The following ZNF423 variants were observed in gnomAD, a reference collection of about 807,000 sequenced individuals.
ZNF423 encodes zinc finger protein 423.
A neutral mutation model predicts 95.8 loss-of-function variants in ZNF423; 12 were observed. That is an observed-to-expected ratio of 0.13 (90% CI 0.08 to 0.20). The LOEUF is 0.20. Among genes scored for constraint, ZNF423 ranks in the 10% least tolerant of loss-of-function variants. The pLI is 1.00. For missense variants in ZNF423, 1,316 were observed against 1,737.1 expected (o/e 0.76, Z 4.31); for synonymous variants, 749 against 711.9 (o/e 1.05, Z -0.83).
intron 2 of ZNF423, among the ~76,000 whole-genome samples, chr16:49,767,240 G>A (rs544643175): frequency 1.8e-4 from 28 of 151,984 alleles, no homozygotes; most frequent in Admixed American, 6.5e-4. Flanking sequence ...ACAGGCCACC[G>A]TGCCTGGCCC....
At chr16:49,651,193 A>ATTT (rs59884047) in intron 3 of ZNF423, among the ~76,000 whole-genome samples, 21 of 142,002 alleles carry the variant, frequency 1.5e-4, no homozygotes, top group Non-Finnish European at 1.8e-4. Context: ...GCTAATTTTA[A>ATTT]TTTTTTTTTT....
At chr16:49,810,992 G>T (rs940589118) in intron 1 of ZNF423, among the ~76,000 whole-genome samples, 1 of 152,150 alleles carries the variant, frequency 6.6e-6, no homozygotes, top group South Asian at 2.1e-4. Flanking sequence ...ATCTTGGGAG[G>T]GGAAGTGAAG....
At chr16:49,494,262 A>G (rs1466871314) in intron 7 of ZNF423, among the ~76,000 whole-genome samples, 5 of 152,232 alleles carry the variant, frequency 3.3e-5, no homozygotes, top group Non-Finnish European at 7.3e-5. Context: ...CACTCAAGAA[A>G]GAACTTCCTC....
At chr16:49,743,893 CG>C (rs990533637) in intron 2 of ZNF423, among the ~76,000 whole-genome samples, 7 of 152,268 alleles carry the variant, frequency 4.6e-5, no homozygotes, top group Admixed American at 1.3e-4. Flanking sequence ...ACGGAAGTGG[CG>C]CCTGGAGAAA....
At chr16:49,494,760 G>A (rs1967093390) in intron 7 of ZNF423, among the ~76,000 whole-genome samples, 1 of 152,224 alleles carries the variant, frequency 6.6e-6, no homozygotes, top group Admixed American at 6.5e-5. Flanking sequence ...AGGACACAGA[G>A]CAGCTCTGGA....
intron 2 of ZNF423, among the ~76,000 whole-genome samples, chr16:49,770,713 G>A (rs1440062557): frequency 6.6e-6 from 1 of 152,228 alleles, no homozygotes; most frequent in East Asian, 1.9e-4. Flanking sequence ...GGGCCAAGAT[G>A]CAGACGAAGG....
chr16:49,814,288 G>C (rs191469621), intron 1 of ZNF423, among the ~76,000 whole-genome samples: 1 of 152,026 alleles, frequency 6.6e-6, no homozygotes, highest in African/African-American at 2.4e-5. Flanking sequence ...CTGGGGGGTG[G>C]GGGGATGACA....
In ZNF423 at chr16:49,855,083, C is replaced by T. The variant is rs1597066830; in HGVS notation, c.40+652G>A. The T allele has an allele frequency of 3.1e-6, 3 of 976,668 alleles. No individual in the cohort carries two copies. The highest frequency in any genetic ancestry group is 6.2e-5 in the Admixed American group (1 of 16,166). The allele number at this position is 976,668 out of a possible 1,614,324, so 60.5% of individuals were successfully genotyped here. ...CGGAGGCTCCCTGCCCGGTGGGCCT[C>T]GGTGGAGGAGGCAGGAAGTGCAGGG... On this transcript the variant is annotated intron_variant, in intron 1 of 7. Transcript: ENST00000563137. This position sits in a 1 kb window ranked among gnomAD's most constrained non-coding sequence, Gnocchi z 4.7.
intron 2 of ZNF423, among the ~76,000 whole-genome samples, chr16:49,760,922 A>G (rs1366062297): frequency 6.6e-6 from 1 of 150,702 alleles, no homozygotes; most frequent in African/African-American, 2.5e-5. Context: ...TCCAACACAC[A>G]CACACACACA....
chr16:49,824,739 A>G (rs1198718257), intron 1 of ZNF423, among the ~76,000 whole-genome samples: 1 of 152,110 alleles, frequency 6.6e-6, no homozygotes, highest in Non-Finnish European at 1.5e-5. Flanking sequence ...CTCACTCCAG[A>G]AGGAAACCTG....
chr16:49,557,827 C>G (rs376015157), intron 5 of ZNF423, among the ~76,000 whole-genome samples: 1 of 152,198 alleles, frequency 6.6e-6, no homozygotes, highest in Non-Finnish European at 1.5e-5. Context: ...CCATCCTGAG[C>G]CCCCTTGGTT....
chr16:49,596,380 A>G (rs1971178972), intron 5 of ZNF423, among the ~76,000 whole-genome samples: 1 of 152,200 alleles, frequency 6.6e-6, no homozygotes, highest in South Asian at 2.1e-4. Flanking sequence ...AAGAAAAACA[A>G]CAGCCCGCAG....
intron 5 of ZNF423, among the ~76,000 whole-genome samples, chr16:49,528,843 C>G (rs1464670450): frequency 5.3e-5 from 8 of 152,006 alleles, no homozygotes; most frequent in Admixed American, 5.2e-4. Flanking sequence ...GTGCTGGTGA[C>G]CCAATGTGAG....
At chr16:49,539,320 T>C (rs1969168915) in intron 5 of ZNF423, among the ~76,000 whole-genome samples, 1 of 152,134 alleles carries the variant, frequency 6.6e-6, no homozygotes, top group African/African-American at 2.4e-5. Flanking sequence ...TGGGGCTGCA[T>C]CTTCCCGGGA....
At chr16:49,619,375 C>A (rs1249524447) in intron 5 of ZNF423, among the ~76,000 whole-genome samples, 1 of 152,150 alleles carries the variant, frequency 6.6e-6, no homozygotes, top group Non-Finnish European at 1.5e-5. Flanking sequence ...CAAACAAACA[C>A]ATACGCATAC....
At chr16:49,748,274 T>C (rs568375809) in intron 2 of ZNF423, among the ~76,000 whole-genome samples, 3 of 152,204 alleles carry the variant, frequency 2.0e-5, no homozygotes, top group Non-Finnish European at 2.9e-5. Flanking sequence ...GCAGACCTTC[T>C]TGGACAAGCC....
chr16:49,764,375 T>C (rs1340039898), intron 2 of ZNF423: 1 of 153,782 alleles, frequency 6.5e-6, no homozygotes. Flanking sequence ...CAATGGACTA[T>C]GATTCAGCCT....
chr16:49,796,796 G>GT (rs2034505827), intron 1 of ZNF423, among the ~76,000 whole-genome samples: 3 of 152,216 alleles, frequency 2.0e-5, no homozygotes, highest in African/African-American at 7.2e-5. Context: ...AAGGCTCTGG[G>GT]TGTGAGCTGC....
At chr16:49,691,017 G>T (rs1290845640) in intron 3 of ZNF423, among the ~76,000 whole-genome samples, 1 of 152,226 alleles carries the variant, frequency 6.6e-6, no homozygotes, top group African/African-American at 2.4e-5. Context: ...TGAGGCCCAG[G>T]CATCTGACCA....
Sources: allele counts gnomAD v4.1 joint callset (sites outside exome capture counted in the v4.1 genomes callset), GRCh38; gene constraint gnomAD v4.1.1; non-coding constraint Gnocchi (gnomAD v3.1); transcripts MANE v1.5; gene names NCBI Gene and HGNC (gene_info 2026-07-23, HGNC 2026-07-21).